Variants in STAU1 observed in about 807,000 individuals in gnomAD.
STAU1 encodes staufen double-stranded RNA binding protein 1, also known as double-stranded RNA-binding protein Staufen homolog 1.
Under a neutral mutation model 62.9 loss-of-function variants are expected in STAU1, and 13 were observed. That is an observed-to-expected ratio of 0.21 (90% confidence interval 0.13 to 0.33). The LOEUF (loss-of-function observed/expected upper bound fraction) is 0.33. STAU1 is among the 10% of genes least tolerant of loss of function. STAU1 has a pLI of 1.00. For synonymous variants in STAU1, 269 were observed against 265.1 expected, an observed-to-expected ratio of 1.01 and a Z score of -0.14; for missense variants, 571 against 712.1, an observed-to-expected ratio of 0.80 and a Z score of 2.25.
At chr20:49,138,702 A>G (rs348301) in intron 5 of STAU1, among the ~76,000 whole-genome samples, 18,756 of 151,896 alleles carry the variant, frequency 0.12, 1,830 homozygotes, top group African/African-American at 0.28. Context: ...GGGTCTCACT[A>G]TGTTGTCCAG....
intron 2 of STAU1, among the ~76,000 whole-genome samples, chr20:49,169,925 A>G (rs2093575545): frequency 6.6e-6 from 1 of 152,218 alleles, no homozygotes. Flanking sequence ...CCTTAATTCC[A>G]TGTCCTCCTG....
intron 2 of STAU1, among the ~76,000 whole-genome samples, chr20:49,172,590 T>C (rs373857063): frequency 6.6e-6 from 1 of 152,196 alleles, no homozygotes; most frequent in African/African-American, 2.4e-5. Context: ...TCTGTAACCA[T>C]GTGCCATCTA....
intron 5 of STAU1, among the ~76,000 whole-genome samples, chr20:49,140,555 T>A (rs1321174472): frequency 6.7e-6 from 1 of 149,228 alleles, no homozygotes; most frequent in Non-Finnish European, 1.5e-5. Context: ...AGCCACACAT[T>A]AAAAAAAAAA....
chr20:49,207,857 G>A, the STAU1 span, among the ~76,000 whole-genome samples: 1 of 151,862 alleles, frequency 6.6e-6, no homozygotes, highest in Admixed American at 6.6e-5. Context: ...GAGACTGTTT[G>A]GGGGTTGTAA....
At chr20:49,211,473 C>T in the STAU1 span, among the ~76,000 whole-genome samples, 1 of 151,496 alleles carries the variant, frequency 6.6e-6, no homozygotes, top group Non-Finnish European at 1.5e-5. Context: ...TCTTGAGCTC[C>T]TCTCCTCAAG....
At chr20:49,213,037 G>A in the STAU1 span, among the ~76,000 whole-genome samples, 11 of 151,660 alleles carry the variant, frequency 7.3e-5, no homozygotes, top group African/African-American at 2.4e-4. Context: ...ACAGGGTCTC[G>A]CTCTGTCATC....
chr20:49,126,351 C>G (rs1377164916), intron 6 of STAU1, among the ~76,000 whole-genome samples: 2 of 151,566 alleles, frequency 1.3e-5, no homozygotes, highest in Admixed American at 1.3e-4. Flanking sequence ...CACTTGAGCT[C>G]AGAAGTTCAA....
the STAU1 span, among the ~76,000 whole-genome samples, chr20:49,209,498 G>A: frequency 1.2e-4 from 18 of 149,838 alleles, no homozygotes; most frequent in Non-Finnish European, 2.4e-4. Context: ...TAATCTCACA[G>A]TTTGCGAGGC....
chr20:49,141,961 T>C (rs1600705818), intron 5 of STAU1, among the ~76,000 whole-genome samples: 1 of 152,072 alleles, frequency 6.6e-6, no homozygotes, highest in East Asian at 1.9e-4. Context: ...TTTATACTAA[T>C]AACTGTAATT....
chr20:49,216,215 C>A, the STAU1 span, among the ~76,000 whole-genome samples: 1 of 150,112 alleles, frequency 6.7e-6, no homozygotes, highest in Non-Finnish European at 1.5e-5. Flanking sequence ...CATGGCAAGA[C>A]CCTTATATCT....
intron 3 of STAU1, chr20:49,159,015 T>G: frequency 1.6e-6 from 2 of 1,288,684 alleles, no homozygotes; most frequent in Non-Finnish European, 2.0e-6. Flanking sequence ...GGCTACTCAT[T>G]TAAGTACAAA....
At chr20:49,180,351 T>C (rs2093709297) in intron 1 of STAU1, among the ~76,000 whole-genome samples, 1 of 147,618 alleles carries the variant, frequency 6.8e-6, no homozygotes, top group South Asian at 2.1e-4. Context: ...GGATACAGAG[T>C]CTTGCTCTGT....
intron 5 of STAU1, among the ~76,000 whole-genome samples, chr20:49,145,619 ACTCGG>A (rs1184198153): frequency 6.6e-6 from 1 of 151,114 alleles, no homozygotes; most frequent in Non-Finnish European, 1.5e-5. Context: ...AATCCCAGCT[ACTCGG>A]GAGGCTATGG....
Position 49,123,140 on chromosome 20 carries a change from C to A in STAU1, c.918G>T (p.Thr306=). The A allele has an allele frequency of 6.2e-7, 1 of 1,613,988 alleles. No homozygotes were observed. Among genetic ancestry groups the A allele is most frequent in the Non-Finnish European group, 8.5e-7 (1 of 1,179,952 alleles). The change falls in exon 8 of 14, where the codon ACG becomes ACT. Residue 306 remains threonine (T), a synonymous_variant. Transcript: ENST00000371856. ...QAKKEKEPEY[T]LLTERGLPRR... ...GCGGGAGGCCTCGCTCTGTGAGGAG[C>A]GTGTACTCTGGCTCCTTCTCCTTTT...
chr20:49,168,148 T>A (rs1307657129), intron 2 of STAU1, among the ~76,000 whole-genome samples: 26 of 151,950 alleles, frequency 1.7e-4, no homozygotes, highest in Admixed American at 1.7e-3. Context: ...TGTTGCAAAC[T>A]TAGCTCACTG....
chr20:49,158,873 A>T, intron 3 of STAU1: 1 of 1,144,216 alleles, frequency 8.7e-7, no homozygotes, highest in East Asian at 6.0e-5. Context: ...ACTGCACTCC[A>T]GCCTGGGCCA....
At chr20:49,137,590 A>AG (rs2092915822) in intron 5 of STAU1, among the ~76,000 whole-genome samples, 1 of 152,184 alleles carries the variant, frequency 6.6e-6, no homozygotes, top group Non-Finnish European at 1.5e-5. Flanking sequence ...ACTGCTAAAT[A>AG]GGCAAGGTAT....
At chr20:49,195,918 G>GAAAAAAAAA in the STAU1 span, among the ~76,000 whole-genome samples, 6 of 74,462 alleles carry the variant, frequency 8.1e-5, no homozygotes, top group African/African-American at 2.0e-4. Context: ...AAAAAAAAAA[G>GAAAAAAAAA]AAAAAAGAAA....
the STAU1 span, among the ~76,000 whole-genome samples, chr20:49,206,542 C>T: frequency 7.1e-6 from 1 of 141,144 alleles, no homozygotes; most frequent in Non-Finnish European, 1.5e-5. Context: ...CAGGGTCTTG[C>T]TCTGTCACCC....
Sources: gnomAD v4.1 joint callset for allele counts (sites outside exome capture counted in the v4.1 genomes callset) on GRCh38, gnomAD v4.1.1 for gene constraint, MANE v1.5 for transcripts, NCBI Gene and HGNC (gene_info 2026-07-23, HGNC 2026-07-21) for gene names.